The following MASP2 variants were observed in gnomAD, a reference collection of about 807,000 sequenced individuals.
MASP2 encodes mannan-binding lectin serine protease 2.
In MASP2, 49 loss-of-function variants were observed where a neutral mutation model predicts 57.1. The ratio of observed to expected loss-of-function variants is 0.86; its 90% CI spans 0.68 to 1.09. The LOEUF (loss-of-function observed/expected upper bound fraction) is 1.09. Among genes scored for constraint, MASP2 ranks in the 50% least tolerant of loss-of-function variants. The probability of loss-of-function intolerance (pLI) is 0.00; values close to 1 mark genes in which losing one functional copy is unlikely to be tolerated. For synonymous variants in MASP2, 379 were observed against 340.8 expected, an observed-to-expected ratio of 1.11 and a Z score of -1.24; for missense variants, 900 against 874.8, an observed-to-expected ratio of 1.03 and a Z score of -0.36.
At chr1:11,039,744 A>G (rs910967497) in intron 6 of MASP2, among the ~76,000 whole-genome samples, 1 of 149,462 alleles carries the variant, frequency 6.7e-6, no homozygotes, top group African/African-American at 2.5e-5. Context: ...GGATGGATGG[A>G]TGGATAGATA....
Position 11,026,772 on chromosome 1 carries a change from G to A in MASP2, c.*113C>T, listed in dbSNP as rs947887115. 6.9e-6 allele frequency: 6 copies of A among 871,266 alleles called. No homozygotes were observed. The highest frequency in any genetic ancestry group is 3.6e-4 in the Middle Eastern group (1 of 2,744). 54.0% of individuals were successfully genotyped at this position (871,266 alleles called of 1,614,324 possible). On this transcript the variant is annotated 3_prime_UTR_variant, in exon 11 of 11. Coordinates refer to ENST00000400897, the MANE Select transcript of MASP2 (RefSeq NM_006610.4). Reference sequence around the variant, plus strand: ...CACCTGGAGTCTGTTTTTTTGGGTGGAGCAACAACTGCCATGTCCACAGTA... The same window carrying A: ...CACCTGGAGTCTGTTTTTTTGGGTGAAGCAACAACTGCCATGTCCACAGTA...
Position 11,034,995 on chromosome 1 carries a change from A to G in MASP2, c.1009-89T>C, listed in dbSNP as rs1643877095. Reference sequence around the variant, plus strand: ...GTGCTCTCACAGCAGTTCCTATTCTAGTGTTTTACGAGGTGCTCCTGAAGG... The same window carrying G: ...GTGCTCTCACAGCAGTTCCTATTCTGGTGTTTTACGAGGTGCTCCTGAAGG... On this transcript the variant is annotated intron_variant, in intron 7 of 10. Coordinates refer to ENST00000400897, the MANE Select transcript of MASP2 (RefSeq NM_006610.4). The G allele has an allele frequency of 4.6e-6, 4 of 870,524 alleles. No homozygotes were observed. In the African/African-American group the frequency reaches 6.9e-5, roughly 15 times the overall value. 53.9% of individuals were successfully genotyped at this position (870,524 alleles called of 1,614,324 possible). A position where few individuals can be genotyped will look rare whatever the true frequency, so the allele number is the denominator to read the frequency against.
At position 11,046,604 on chromosome 1, in the gene MASP2, A is replaced by G; in HGVS notation, c.364T>C (p.Ser122Pro). The change falls in exon 3 of 11, where the codon TCC becomes CCC. Residue 122 changes from serine to proline, a missense_variant. Physicochemically the swap from Ser to Pro is moderately conservative, Grantham distance 74. Coordinates refer to ENST00000400897, the MANE Select transcript of MASP2 (RefSeq NM_006610.4). ...SLDITFRSDY[S>P]NEKPFTGFEA... Reference sequence around the variant, plus strand: ...AACCCCGTGAACGGCTTCTCGTTGGAGTAGTCGGAGCGGAAGGTAATGTCC... The same window carrying G: ...AACCCCGTGAACGGCTTCTCGTTGGGGTAGTCGGAGCGGAAGGTAATGTCC... 1 of 1,613,774 alleles carries G rather than the reference A, an allele frequency of 6.2e-7. No individual in the cohort carries two copies. Among genetic ancestry groups the G allele is most frequent in the African/African-American group, 1.3e-5 (1 of 75,058 alleles).
chr1:11,041,724 T>G (rs1638452067), intron 6 of MASP2, among the ~76,000 whole-genome samples: 3 of 314 alleles, frequency 9.6e-3, no homozygotes, highest in Non-Finnish European at 0.012. Context: ...AATGGATGGA[T>G]GGATGGATGG....
At chr1:11,040,774 G>A (rs933628587) in intron 6 of MASP2, among the ~76,000 whole-genome samples, 1 of 150,288 alleles carries the variant, frequency 6.7e-6, no homozygotes, top group African/African-American at 2.5e-5. Flanking sequence ...TGGGTGGGTG[G>A]GTGGATAAAG....
In MASP2 at chr1:11,037,733, CTGTCTTTCAGGA is replaced by C; in HGVS notation, c.956_967del (p.Ile319_Asp322del). On this transcript the variant is annotated inframe_deletion, in exon 7 of 11. Transcript: ENST00000400897. ...GCCAGTCTCGCAAAAGATGGAGAAGCTGTCTTTCAGGATGTATTTGGCTTGCACAGGTGAAAC... is the reference window on the plus strand; with the variant it reads ...GCCAGTCTCGCAAAAGATGGAGAAGCTGTATTTGGCTTGCACAGGTGAAAC... The C allele has an allele frequency of 3.7e-6, 6 of 1,612,886 alleles. No homozygotes were observed. The highest frequency in any genetic ancestry group is 5.1e-6 in the Non-Finnish European group (6 of 1,179,630).
chr1:11,043,439 C>A lies in MASP2; in HGVS notation c.641G>T (p.Ser214Ile). The A allele has an allele frequency of 6.2e-7, 1 of 1,611,018 alleles. No individual in the cohort carries two copies. The highest frequency in any genetic ancestry group is 1.7e-5 in the Admixed American group (1 of 59,594). Reference sequence around the variant, plus strand: ...ACTGAACCCCTCCTCCAGGCTGATGCTGTAAGTGCAACTGGAGAGTTTGGG... The same window carrying A: ...ACTGAACCCCTCCTCCAGGCTGATGATGTAAGTGCAACTGGAGAGTTTGGG... ...PYPKLSSCTY[S>I]ISLEEGFSVI... The change falls in exon 5 of 11, where the codon AGC (serine) becomes ATC (isoleucine). Residue 214 changes from serine to isoleucine, a missense_variant. By Grantham distance (142) the Ser-to-Ile change is moderately radical. Coordinates refer to ENST00000400897, the MANE Select transcript of MASP2 (RefSeq NM_006610.4).
Position 11,042,989 on chromosome 1 carries a change from A to C in MASP2, c.775T>G (p.Cys259Gly). 6.2e-7 allele frequency: 1 copy of C among 1,614,040 alleles called. No individual in the cohort carries two copies. Among genetic ancestry groups the C allele is most frequent in the South Asian group, 1.1e-5 (1 of 91,088 alleles). ...QTDREEHGPF[C>G]GKTLPHRIET... is the part of the protein sequence containing the mutation. ...ATCCTGTGGGGCAATGTCTTCCCAC[A>C]GAATGGGCCATGTTCTTCTCTGTCT... is the stretch of plus-strand genomic sequence containing the variant. Residue 259 changes from cysteine to glycine, a missense_variant, in exon 6 of 11, where the codon TGT becomes GGT. Coordinates refer to ENST00000400897, the MANE Select transcript of MASP2 (RefSeq NM_006610.4).
intron 6 of MASP2, among the ~76,000 whole-genome samples, chr1:11,039,886 GGATGGATGGATGGATA>G (rs1289340300): frequency 9.5e-6 from 1 of 105,464 alleles, no homozygotes; most frequent in African/African-American, 2.9e-5. Context: ...ATGGATGGAT[GGATGGATGGATGGATA>G]GATGGATGGA....
At chr1:11,042,445 C>T (rs921124297) in intron 6 of MASP2, among the ~76,000 whole-genome samples, 16 of 7,000 alleles carry the variant, frequency 2.3e-3, no homozygotes, top group Non-Finnish European at 6.0e-3. Flanking sequence ...GATGGATGAA[C>T]GGACGAAGGA....
chr1:11,045,732 G>GA (rs1172366118), intron 3 of MASP2, 193 bp from the exon 4 acceptor site: 11 of 606,166 alleles, frequency 1.8e-5, no homozygotes, highest in Non-Finnish European at 2.6e-5. Context: ...AGCGCTGGGA[G>GA]AAAGATGCAA....
intron 7 of MASP2, among the ~76,000 whole-genome samples, chr1:11,035,963 C>T (rs1643883275): frequency 1.3e-5 from 2 of 150,592 alleles, no homozygotes; most frequent in Non-Finnish European, 2.9e-5. Flanking sequence ...TGTGATCAGA[C>T]TTGCAAGTGT....
intron 6 of MASP2, 84 bp downstream of exon 6, chr1:11,042,791 G>GC (rs1448342175): frequency 6.7e-7 from 1 of 1,489,416 alleles, no homozygotes; most frequent in Non-Finnish European, 9.2e-7. Flanking sequence ...CCCAGAAGGA[G>GC]CCCTACACTC....
intron 5 of MASP2, 41 bp from the exon 6 acceptor site, chr1:11,043,063 G>T (rs761152752): frequency 2.5e-6 from 4 of 1,606,610 alleles, no homozygotes; most frequent in Middle Eastern, 1.7e-4. Context: ...CAGCTGCCTG[G>T]GTCTGGCCTG....
intron 6 of MASP2, among the ~76,000 whole-genome samples, chr1:11,038,792 A>C (rs1041326538): frequency 6.6e-6 from 1 of 152,206 alleles, no homozygotes; most frequent in Admixed American, 6.5e-5. Context: ...GTCACGACGA[A>C]GAGGTGGTGG....
At chr1:11,034,064 C>A (rs1236292937) in intron 8 of MASP2, among the ~76,000 whole-genome samples, 3 of 150,588 alleles carry the variant, frequency 2.0e-5, no homozygotes, top group African/African-American at 7.3e-5. Context: ...ATGGTGAAAC[C>A]CCATCTCTAC....
intron 4 of MASP2, chr1:11,044,853 A>C: frequency 6.5e-7 from 1 of 1,536,266 alleles, no homozygotes; most frequent in Non-Finnish European, 8.8e-7. Context: ...GAGTTGGGGC[A>C]CAGCCATCTC....
At chr1:11,033,947 ACACACACACACACACACACTCT>A (rs1177333205) in intron 8 of MASP2, among the ~76,000 whole-genome samples, 11 of 53,230 alleles carry the variant, frequency 2.1e-4, no homozygotes, top group East Asian at 8.2e-4. Context: ...ACACACACAC[ACACACACACACACACACACTCT>A]CTCTCTCTCT....
At chr1:11,043,574 C>T in intron 4 of MASP2, 39 bp from the exon 5 acceptor site, 1 of 1,433,980 alleles carries the variant, frequency 7.0e-7, no homozygotes, top group Non-Finnish European at 9.6e-7. Context: ...TTGGCGTGCC[C>T]TCTATCAGCC....
Sources: gnomAD v4.1 joint callset for allele counts (sites outside exome capture counted in the v4.1 genomes callset) on GRCh38, gnomAD v4.1.1 for gene constraint, MANE v1.5 for transcripts, NCBI Gene and HGNC (gene_info 2026-07-23, HGNC 2026-07-21) for gene names.